Variants in POU6F2 observed in about 807,000 individuals in gnomAD.
POU6F2 encodes the protein POU domain, class 6, transcription factor 2.
In POU6F2, 31 loss-of-function variants were observed where a neutral mutation model predicts 71.3. That is an observed-to-expected ratio of 0.43 (90% confidence interval 0.33 to 0.59). The LOEUF (loss-of-function observed/expected upper bound fraction) is 0.59, where lower values mean the gene tolerates loss of function less well. POU6F2 is among the 20% of genes least tolerant of loss of function. POU6F2 has a pLI of 0.04. For missense variants in POU6F2, 783 were observed against 856.8 expected, an observed-to-expected ratio of 0.91 and a Z score of 1.07; for synonymous variants, 347 against 355.7, an observed-to-expected ratio of 0.98 and a Z score of 0.27.
chr7:39,050,265 G>A (rs763017448), intron 1 of POU6F2, among the ~76,000 whole-genome samples: 2 of 152,006 alleles, frequency 1.3e-5, no homozygotes, highest in Non-Finnish European at 2.9e-5. Context: ...CTAATGGTCA[G>A]CCAATGATTA....
At chr7:39,047,189 C>T (rs1790307209) in intron 1 of POU6F2, among the ~76,000 whole-genome samples, 1 of 151,796 alleles carries the variant, frequency 6.6e-6, no homozygotes, top group Non-Finnish European at 1.5e-5. Flanking sequence ...TTATTCCAGG[C>T]TCTCTGCATT....
intron 4 of POU6F2, among the ~76,000 whole-genome samples, chr7:39,277,350 G>A (rs879452846): frequency 9.9e-5 from 15 of 152,140 alleles, no homozygotes; most frequent in African/African-American, 2.4e-4. Flanking sequence ...ATCCCAACAC[G>A]AAGATAGTGA....
At chr7:39,379,211 A>G (rs1786775242) in intron 5 of POU6F2, among the ~76,000 whole-genome samples, 1 of 152,190 alleles carries the variant, frequency 6.6e-6, no homozygotes, top group South Asian at 2.1e-4. Flanking sequence ...GAAATACACA[A>G]CAGACCTTTG....
intron 5 of POU6F2, chr7:39,373,724 TG>T (rs1366044148): frequency 5.1e-5 from 17 of 332,214 alleles, no homozygotes; most frequent in African/African-American, 3.6e-4. Flanking sequence ...TTGCTATCTA[TG>T]TTCATCATGT....
In POU6F2 at chr7:39,339,983, C is replaced by A. The variant is rs570152274; in HGVS notation, c.940C>A (p.Pro314Thr). ...KPSQSPGHGL[P>T]SPLTPPNPLQ... ...TAGTCAGTCTCCAGGACATGGCCTG[C>A]CTTCACCGCTCACGCCACCCAATCC... The change falls in exon 5 of 10, where the codon CCT (proline) becomes ACT (threonine). Residue 314 changes from proline (P) to threonine (T), a missense_variant. Pro to Thr is a conservative substitution (Grantham distance 38). Around this residue, in one of 2 missense-constraint regions of POU6F2, gnomAD observed 572 missense variants for 572.9 expected, o/e 1.00. Transcript: ENST00000518318. The A allele has an allele frequency of 6.8e-6, 11 of 1,612,576 alleles. No individual in the cohort carries two copies. In the South Asian group the frequency reaches 1.1e-4, roughly 16 times the overall value.
At chr7:39,012,307 TG>T (rs1256637077) in intron 1 of POU6F2, among the ~76,000 whole-genome samples, 1 of 152,172 alleles carries the variant, frequency 6.6e-6, no homozygotes, top group African/African-American at 2.4e-5. Context: ...TTCTTCCAGT[TG>T]ATCACATCGG....
chr7:39,199,410 T>C (rs985777152), intron 2 of POU6F2, among the ~76,000 whole-genome samples: 4 of 152,110 alleles, frequency 2.6e-5, no homozygotes, highest in Non-Finnish European at 5.9e-5. Context: ...TGTGCAAGAG[T>C]GAACATCTAT....
At chr7:39,445,397 G>A (rs1450831509) in intron 7 of POU6F2, among the ~76,000 whole-genome samples, 2 of 152,108 alleles carry the variant, frequency 1.3e-5, no homozygotes, top group Admixed American at 6.5e-5. Context: ...AACTTCTCTG[G>A]TCTCACCTTC....
intron 2 of POU6F2, among the ~76,000 whole-genome samples, chr7:39,187,583 G>C (rs1793568468): frequency 6.6e-6 from 1 of 152,234 alleles, no homozygotes; most frequent in Non-Finnish European, 1.5e-5. Flanking sequence ...ACCAGCAACA[G>C]TAGCATGCAG....
At chr7:39,324,460 A>G (rs187325456) in intron 4 of POU6F2, among the ~76,000 whole-genome samples, 1 of 152,210 alleles carries the variant, frequency 6.6e-6, no homozygotes, top group Non-Finnish European at 1.5e-5. Context: ...TCAAGATAGT[A>G]GGTGCTCCAC....
intron 4 of POU6F2, among the ~76,000 whole-genome samples, chr7:39,291,599 G>A (rs567109462): frequency 8.7e-4 from 133 of 152,232 alleles, no homozygotes; most frequent in Admixed American, 1.8e-3. Flanking sequence ...ATTTCCCAAC[G>A]TGGCTGCAGG....
chr7:39,065,663 A>G (rs994007746), intron 1 of POU6F2, among the ~76,000 whole-genome samples: 14 of 151,588 alleles, frequency 9.2e-5, no homozygotes, highest in Non-Finnish European at 1.5e-4. Context: ...ATAATATAAC[A>G]TACAATTCCA....
intron 1 of POU6F2, among the ~76,000 whole-genome samples, chr7:38,980,844 T>C (rs1176012053): frequency 2.0e-5 from 3 of 152,166 alleles, no homozygotes; most frequent in Non-Finnish European, 2.9e-5. Context: ...TAGGATGAAA[T>C]ATCCACAGTT....
chr7:39,163,201 A>G (rs1793034954), intron 2 of POU6F2, among the ~76,000 whole-genome samples: 1 of 152,230 alleles, frequency 6.6e-6, no homozygotes, highest in Admixed American at 6.5e-5. Context: ...GATAATTTCT[A>G]AAAATCAAGA....
At chr7:39,165,053 A>G (rs1315837308) in intron 2 of POU6F2, among the ~76,000 whole-genome samples, 1 of 152,210 alleles carries the variant, frequency 6.6e-6, no homozygotes, top group Non-Finnish European at 1.5e-5. Context: ...CTAAGATTAC[A>G]ACTCCACTAG....
At chr7:39,024,448 C>T (rs1344593541) in intron 1 of POU6F2, among the ~76,000 whole-genome samples, 3 of 152,022 alleles carry the variant, frequency 2.0e-5, no homozygotes, top group Non-Finnish European at 4.4e-5. Context: ...ATGTCGTCTG[C>T]AAACAGGGAC....
At chr7:39,040,579 G>GT (rs1400803409) in intron 1 of POU6F2, among the ~76,000 whole-genome samples, 9 of 151,554 alleles carry the variant, frequency 5.9e-5, no homozygotes, top group African/African-American at 2.2e-4. Flanking sequence ...GAAAACAACT[G>GT]GAAAAAAATG....
chr7:39,232,826 C>T (rs1215794932), intron 4 of POU6F2, among the ~76,000 whole-genome samples: 3 of 152,186 alleles, frequency 2.0e-5, no homozygotes, highest in Non-Finnish European at 4.4e-5. Context: ...AAGGAATCTT[C>T]TGATTTGGGA....
At chr7:39,157,978 C>T (rs964993838) in intron 2 of POU6F2, among the ~76,000 whole-genome samples, 2 of 152,144 alleles carry the variant, frequency 1.3e-5, no homozygotes, top group Admixed American at 6.6e-5. Context: ...GGATGCTAGC[C>T]GTTCATTCAG....
Sources: gnomAD v4.1 joint callset for allele counts (sites outside exome capture counted in the v4.1 genomes callset) on GRCh38, gnomAD v4.1.1 for gene constraint, gnomAD v4.1.1 regional missense constraint, MANE v1.5 for transcripts, NCBI Gene and HGNC (gene_info 2026-07-23, HGNC 2026-07-21) for gene names.